Variants in PGAP4 observed in about 807,000 individuals in gnomAD.
PGAP4 encodes GPI-N-acetylgalactosamine transferase PGAP4.
PGAP4 carries 12 observed loss-of-function variants against 28.2 expected under a neutral mutation model. That is an observed-to-expected ratio of 0.42 (90% CI 0.27 to 0.69). The LOEUF (loss-of-function observed/expected upper bound fraction) is 0.69. Ranked by LOEUF, PGAP4 falls within the 30% of genes least tolerant of loss-of-function variation. PGAP4 has a pLI of 0.22. For missense variants in PGAP4, 425 were observed against 513.5 expected (o/e 0.83, Z 1.67); for synonymous variants, 205 against 211.8 (o/e 0.97, Z 0.28).
intron 2 of PGAP4, among the ~76,000 whole-genome samples, chr9:101,508,241 A>T (rs117737042): frequency 0.04 from 5,957 of 150,748 alleles, 165 homozygotes; most frequent in Admixed American, 0.078. Context: ...AAACTTCCCT[A>T]CTTGAAGTCT....
At position 101,476,290 on chromosome 9, in the gene PGAP4, A is replaced by G; in HGVS notation, c.803T>C (p.Val268Ala). The G allele has an allele frequency of 1.2e-6, 2 of 1,614,110 alleles. No individual in the cohort carries two copies. The highest frequency in any genetic ancestry group is 1.7e-6 in the Non-Finnish European group (2 of 1,180,024). Reference sequence around the variant, plus strand: ...TAGTAAGGGCCCCAGCAACATGCCTACACCAACCCATTCCAGGATCCGCAT... The same window carrying G: ...TAGTAAGGGCCCCAGCAACATGCCTGCACCAACCCATTCCAGGATCCGCAT... ...EPMRILEWVGVGMLLGPLLTW... is the reference protein window; with the variant it reads ...EPMRILEWVGAGMLLGPLLTW... The change falls in exon 2 of 2, where the codon GTA becomes GCA. Residue 268 changes from valine (V) to alanine (A), a missense_variant. Coordinates refer to ENST00000374848, the MANE Select transcript of PGAP4 (RefSeq NM_032342.3). The surrounding 1 kb of genome is among the most constrained non-coding windows in gnomAD (Gnocchi z 7.0).
intron 1 of PGAP4, among the ~76,000 whole-genome samples, 192 bp from the exon 2 acceptor site, chr9:101,477,361 A>T (rs983295234): frequency 0.061 from 12 of 196 alleles, no homozygotes; most frequent in Admixed American, 0.14. Flanking sequence ...GTCTGCTAAC[A>T]ACCTCTGGAT....
At chr9:101,480,952 G>A (rs1826468226) in intron 1 of PGAP4, among the ~76,000 whole-genome samples, 1 of 152,172 alleles carries the variant, frequency 6.6e-6, no homozygotes. Context: ...TGAGGCAGGT[G>A]GATGGCTTGA....
intron 2 of PGAP4, among the ~76,000 whole-genome samples, chr9:101,502,741 A>T (rs1410732938): frequency 6.6e-6 from 1 of 152,022 alleles, no homozygotes. Context: ...GGCCACACCT[A>T]CAGCATTTTG....
At chr9:101,493,034 C>G (rs1204396389) in intron 2 of PGAP4, among the ~76,000 whole-genome samples, 1 of 151,922 alleles carries the variant, frequency 6.6e-6, no homozygotes, top group East Asian at 1.9e-4. Flanking sequence ...GCGGGCGGAT[C>G]ACGAGATCAA....
chr9:101,512,829 A>T (rs1826908910), intron 2 of PGAP4, among the ~76,000 whole-genome samples: 1 of 152,082 alleles, frequency 6.6e-6, no homozygotes, highest in African/African-American at 2.4e-5. Flanking sequence ...AATTTTTTTT[A>T]AAGGAGCAAA....
At chr9:101,510,191 C>T (rs1328749083) in intron 2 of PGAP4, among the ~76,000 whole-genome samples, 2 of 152,140 alleles carry the variant, frequency 1.3e-5, no homozygotes, top group African/African-American at 4.8e-5. Flanking sequence ...GGAACACATG[C>T]CACCTTTTGA....
At chr9:101,494,225 TA>T (rs1564097322) in intron 2 of PGAP4, among the ~76,000 whole-genome samples, 1 of 151,942 alleles carries the variant, frequency 6.6e-6, no homozygotes, top group Non-Finnish European at 1.5e-5. Context: ...CTTGTTAATA[TA>T]ACCAAAGTTT....
At chr9:101,522,225 G>A (rs1414443878) in intron 2 of PGAP4, among the ~76,000 whole-genome samples, 2 of 152,010 alleles carry the variant, frequency 1.3e-5, no homozygotes, top group Non-Finnish European at 2.9e-5. Context: ...TATCTTTTAA[G>A]TCCATTTGTT....
At chr9:101,489,185 T>C (rs1390937171), upstream of PGAP4, 2 of 151,902 alleles carry the variant, frequency 1.3e-5, no homozygotes, top group Non-Finnish European at 2.9e-5. Flanking sequence ...ATTCTCTTAA[T>C]CAACATGCTA....
chr9:101,508,916 C>G (rs907398360), intron 2 of PGAP4, among the ~76,000 whole-genome samples: 1 of 152,204 alleles, frequency 6.6e-6, no homozygotes. Context: ...CTGCAGAAAA[C>G]CCTGTTTCAC....
At position 101,475,729 on chromosome 9, in the gene PGAP4, C is replaced by T; in HGVS notation, c.*152G>A. 1 of 841,360 alleles carries T rather than the reference C, an allele frequency of 1.2e-6. No individual in the cohort carries two copies. Among genetic ancestry groups the T allele is most frequent in the Non-Finnish European group, 1.8e-6 (1 of 544,584 alleles). The allele number at this position is 841,360 out of a possible 1,614,324, so 52.1% of individuals were successfully genotyped here. On this transcript the variant is annotated 3_prime_UTR_variant, in exon 2 of 2. Coordinates refer to ENST00000374848, the MANE Select transcript of PGAP4 (RefSeq NM_032342.3). ...CCAGGAGGCTACCAAAGCCAAGGCT[C>T]TTAACATATTGAGGTTCCTCAGCTG...
intron 2 of PGAP4, among the ~76,000 whole-genome samples, chr9:101,494,079 C>G (rs1826715268): frequency 6.6e-6 from 1 of 151,810 alleles, no homozygotes; most frequent in Admixed American, 6.6e-5. Flanking sequence ...CAAAGGCCAA[C>G]TTTAGATTTT....
intron 2 of PGAP4, among the ~76,000 whole-genome samples, chr9:101,510,510 T>C (rs965647595): frequency 2.6e-5 from 4 of 152,156 alleles, no homozygotes; most frequent in Non-Finnish European, 5.9e-5. Flanking sequence ...ATGTTATACA[T>C]AGTGGGCTTG....
chr9:101,475,770 C>T lies in PGAP4; in HGVS notation c.*111G>A. 2 of 1,240,438 alleles carry T rather than the reference C, an allele frequency of 1.6e-6. No homozygotes were observed. Among genetic ancestry groups the T allele is most frequent in the Non-Finnish European group, 2.3e-6 (2 of 880,820 alleles). 76.8% of individuals were successfully genotyped at this position (1,240,438 alleles called of 1,614,324 possible). On this transcript the variant is annotated 3_prime_UTR_variant, in exon 2 of 2. Coordinates refer to ENST00000374848, the MANE Select transcript of PGAP4 (RefSeq NM_032342.3). Reference sequence around the variant, plus strand: ...TCCTCAGCTGCCCCAGTGCCTATATCTCTAACAACAGTAAACAGTGAAATA... The same window carrying T: ...TCCTCAGCTGCCCCAGTGCCTATATTTCTAACAACAGTAAACAGTGAAATA...
At chr9:101,523,619 C>CTTTTATTTTT (rs1827007164) in intron 2 of PGAP4, among the ~76,000 whole-genome samples, 1 of 59,344 alleles carries the variant, frequency 1.7e-5, no homozygotes, top group Non-Finnish European at 3.1e-5. Context: ...CTTCTTGTAT[C>CTTTTATTTTT]TTTTTTTTTT....
At chr9:101,485,633 T>A (rs996500256) in intron 1 of PGAP4, among the ~76,000 whole-genome samples, 4 of 152,138 alleles carry the variant, frequency 2.6e-5, no homozygotes, top group Non-Finnish European at 5.9e-5. Flanking sequence ...CCATGGGTAA[T>A]CAAAGACATG....
intron 1 of PGAP4, among the ~76,000 whole-genome samples, chr9:101,478,093 T>C (rs559752920): frequency 4.3e-4 from 66 of 152,380 alleles, no homozygotes; most frequent in Non-Finnish European, 9.0e-4. Flanking sequence ...CCATATCTTA[T>C]ATTTCTTAGC....
At chr9:101,509,264 T>A (rs1239063449) in intron 2 of PGAP4, among the ~76,000 whole-genome samples, 1 of 152,174 alleles carries the variant, frequency 6.6e-6, no homozygotes, top group Non-Finnish European at 1.5e-5. Context: ...TCTCCTAATG[T>A]TTGAAACATG....
Sources: gnomAD v4.1 joint callset for allele counts (sites outside exome capture counted in the v4.1 genomes callset) on GRCh38, gnomAD v4.1.1 for gene constraint, Gnocchi (gnomAD v3.1) non-coding constraint, MANE v1.5 for transcripts, NCBI Gene and HGNC (gene_info 2026-07-23, HGNC 2026-07-21) for gene names.